RAB21: variants seen among roughly 807,000 people sequenced by gnomAD.
The protein encoded by RAB21 is RAB21, member RAS oncogene family.
RAB21 carries 13 observed loss-of-function variants against 33.1 expected under a neutral mutation model. The ratio of observed to expected loss-of-function variants is 0.39; its 90% CI spans 0.26 to 0.62. RAB21 has a LOEUF of 0.62. Among genes scored for constraint, RAB21 ranks in the 20% least tolerant of loss-of-function variants. The pLI is 0.48. For synonymous variants in RAB21, 91 were observed against 103.7 expected, an observed-to-expected ratio of 0.88 and a Z score of 0.74; for missense variants, 234 against 279.1, an observed-to-expected ratio of 0.84 and a Z score of 1.15.
rs1883313762 is a variant in RAB21, at chr12:71,787,566, T to G, written c.*1893T>G. 6.6e-6 allele frequency: 1 copy of G among 152,174 alleles called. No homozygotes were observed. Among genetic ancestry groups the G allele is most frequent in the Non-Finnish European group, 1.5e-5 (1 of 68,022 alleles). 9.4% of individuals were successfully genotyped at this position (152,174 alleles called of 1,614,324 possible). A position where few individuals can be genotyped will look rare whatever the true frequency, so the allele number is the denominator to read the frequency against. On this transcript the variant is annotated 3_prime_UTR_variant, in exon 7 of 7. Transcript: ENST00000261263. The stretch of plus-strand genomic sequence containing the variant: ...ACTGCCATATTTTTAAGTTAATAAC[T>G]TAAACCTTCTCAAATGGGTTAAAAG...
Position 71,799,705 on chromosome 12 carries a change from G to A in RAB21, c.*14032G>A, listed in dbSNP as rs1211431371. On this transcript the variant is annotated 3_prime_UTR_variant, in exon 7 of 7. Coordinates refer to ENST00000261263, the MANE Select transcript of RAB21 (RefSeq NM_014999.4). ...TATTAAGTTTTTAAAAAAAGCCAGG[G>A]CAGAACAGTCTGTATACTGTATATT... 2 of 152,098 alleles carry A rather than the reference G, an allele frequency of 1.3e-5. No individual in the cohort carries two copies. Among genetic ancestry groups the A allele is most frequent in the Non-Finnish European group, 2.9e-5 (2 of 68,016 alleles). The allele number at this position is 152,098 out of a possible 1,614,324, so 9.4% of individuals were successfully genotyped here. A position where few individuals can be genotyped will look rare whatever the true frequency, so the allele number is the denominator to read the frequency against.
At chr12:71,760,791 C>T (rs186430987) in intron 1 of RAB21, among the ~76,000 whole-genome samples, 3 of 151,848 alleles carry the variant, frequency 2.0e-5, no homozygotes, top group Non-Finnish European at 4.4e-5. Context: ...TTTAGAGTCC[C>T]AACTATAGAA....
At chr12:71,757,432 A>C (rs1287777555) in intron 1 of RAB21, among the ~76,000 whole-genome samples, 1 of 152,222 alleles carries the variant, frequency 6.6e-6, no homozygotes, top group Non-Finnish European at 1.5e-5. Context: ...CTTAAAAATT[A>C]CACTTCCATT....
chr12:71,766,546 G>T (rs1406225063), intron 1 of RAB21, among the ~76,000 whole-genome samples: 1 of 152,100 alleles, frequency 6.6e-6, no homozygotes, highest in Non-Finnish European at 1.5e-5. Context: ...TGTAAGTGCT[G>T]TAGAAACGTT....
intron 1 of RAB21, among the ~76,000 whole-genome samples, chr12:71,768,781 G>A (rs185705553): frequency 8.5e-5 from 13 of 152,238 alleles, no homozygotes; most frequent in Admixed American, 8.5e-4. Context: ...GTGCTATACA[G>A]AAGAAAATCA....
At chr12:71,772,989 C>G (rs1293793680) in intron 3 of RAB21, among the ~76,000 whole-genome samples, 1 of 152,142 alleles carries the variant, frequency 6.6e-6, no homozygotes, top group African/African-American at 2.4e-5. Flanking sequence ...GTGGTTACCA[C>G]ATAGCTAATG....
intron 4 of RAB21, among the ~76,000 whole-genome samples, chr12:71,781,244 C>T (rs879537002): frequency 4.6e-5 from 7 of 152,054 alleles, no homozygotes; most frequent in Non-Finnish European, 7.4e-5. Flanking sequence ...CCGAGGCAGG[C>T]GGATCACGAG....
chr12:71,788,623 G>A lies in RAB21; in HGVS notation c.*2950G>A, dbSNP rs1883331273. On this transcript the variant is annotated 3_prime_UTR_variant, in exon 7 of 7. Coordinates refer to ENST00000261263, the MANE Select transcript of RAB21 (RefSeq NM_014999.4). ...CTGATAATTGTGCTATTAGGCAGAA[G>A]ACACAAGTTACCACGTTGTGTATTA... 6.6e-6 allele frequency: 1 copy of A among 152,154 alleles called. No homozygotes were observed. Among genetic ancestry groups the A allele is most frequent in the Non-Finnish European group, 1.5e-5 (1 of 68,020 alleles). The allele number at this position is 152,154 out of a possible 1,614,324, so 9.4% of individuals were successfully genotyped here.
At position 71,770,477 on chromosome 12, in the gene RAB21, G is replaced by A. The variant is rs988924644; in HGVS notation, c.220-115G>A. 15 of 729,106 alleles carry A rather than the reference G, an allele frequency of 2.1e-5. No individual in the cohort carries two copies. In the East Asian group the frequency reaches 4.1e-4, roughly 20 times the overall value. The allele number at this position is 729,106 out of a possible 1,614,324, so 45.2% of individuals were successfully genotyped here. A position where few individuals can be genotyped will look rare whatever the true frequency, so the allele number is the denominator to read the frequency against. On this transcript the variant is annotated intron_variant, in intron 2 of 6. Transcript: ENST00000261263. ...GTTTTGTTTCTGTTAATAGGGTTTT[G>A]TGGTTGTCTTTGACTTTATGCCATA...
intron 2 of RAB21, 35 bp downstream of exon 2, chr12:71,769,894 C>CT: frequency 8.5e-7 from 1 of 1,174,228 alleles, no homozygotes; most frequent in South Asian, 2.6e-5. Context: ...TGCGTGGAGG[C>CT]TTCTTCCTTT....
chr12:71,772,764 T>C (rs568643207), intron 3 of RAB21, among the ~76,000 whole-genome samples: 3 of 152,316 alleles, frequency 2.0e-5, no homozygotes, highest in Admixed American at 6.5e-5. Context: ...GTTAAATGCT[T>C]TGAAAACTTT....
rs1409136852 is a variant in RAB21, at chr12:71,794,419, A to G, written c.*8746A>G. 3.9e-5 allele frequency: 2 copies of G among 51,168 alleles called. No homozygotes were observed. Among genetic ancestry groups the G allele is most frequent in the South Asian group, 1.6e-3 (2 of 1,282 alleles). 3.2% of individuals were successfully genotyped at this position (51,168 alleles called of 1,614,324 possible). A position where few individuals can be genotyped will look rare whatever the true frequency, so the allele number is the denominator to read the frequency against. Reference sequence around the variant, plus strand: ...CCATATATATATTATATATATATATATATATATATTTTTTTTTTTTTTTTT... The same window carrying G: ...CCATATATATATTATATATATATATGTATATATATTTTTTTTTTTTTTTTT... On this transcript the variant is annotated 3_prime_UTR_variant, in exon 7 of 7. Coordinates refer to ENST00000261263, the MANE Select transcript of RAB21 (RefSeq NM_014999.4).
chr12:71,761,601 C>T (rs1882872913), intron 1 of RAB21, among the ~76,000 whole-genome samples: 1 of 152,114 alleles, frequency 6.6e-6, no homozygotes, highest in African/African-American at 2.4e-5. Flanking sequence ...TCACTTGAAC[C>T]TGGGAGACAG....
chr12:71,755,643 C>T (rs996356450), intron 1 of RAB21, among the ~76,000 whole-genome samples: 4 of 152,222 alleles, frequency 2.6e-5, no homozygotes, highest in Non-Finnish European at 5.9e-5. Context: ...CCTTTTCTTT[C>T]TTTCAGAATT....
Position 71,793,391 on chromosome 12 carries a change from T to C in RAB21, c.*7718T>C, listed in dbSNP as rs1158535983. 1 of 152,166 alleles carries C rather than the reference T, an allele frequency of 6.6e-6. No individual in the cohort carries two copies. Among genetic ancestry groups the C allele is most frequent in the African/African-American group, 2.4e-5 (1 of 41,432 alleles). 9.4% of individuals were successfully genotyped at this position (152,166 alleles called of 1,614,324 possible). A position where few individuals can be genotyped will look rare whatever the true frequency, so the allele number is the denominator to read the frequency against. ...TGAAGATACAGGTCAGAAAGATGGT[T>C]TAATGAATATGAATTTTCTAAACAT... On this transcript the variant is annotated 3_prime_UTR_variant, in exon 7 of 7. Coordinates refer to ENST00000261263, the MANE Select transcript of RAB21 (RefSeq NM_014999.4).
Position 71,793,947 on chromosome 12 carries a change from G to A in RAB21, c.*8274G>A, listed in dbSNP as rs909162556. 6.6e-6 allele frequency: 1 copy of A among 152,308 alleles called. No individual in the cohort carries two copies. The allele number at this position is 152,308 out of a possible 1,614,324, so 9.4% of individuals were successfully genotyped here. ...GTGTTAAAAGCTGGCTGGGAGCCAT[G>A]GCTCATGCCTGTAATCCAGCACTTT... On this transcript the variant is annotated 3_prime_UTR_variant, in exon 7 of 7. Transcript: ENST00000261263.
At chr12:71,781,394 G>A (rs1039921769) in intron 4 of RAB21, among the ~76,000 whole-genome samples, 2 of 151,948 alleles carry the variant, frequency 1.3e-5, no homozygotes, top group African/African-American at 2.4e-5. Context: ...GCGTGAACCC[G>A]GGAGGCGGAG....
At chr12:71,767,700 A>G (rs1882982925) in intron 1 of RAB21, among the ~76,000 whole-genome samples, 1 of 152,178 alleles carries the variant, frequency 6.6e-6, no homozygotes, top group Non-Finnish European at 1.5e-5. Context: ...TTAAGAAGAT[A>G]TTTCCAAGTT....
intron 1 of RAB21, among the ~76,000 whole-genome samples, chr12:71,760,054 A>G (rs1882847855): frequency 6.6e-6 from 1 of 152,122 alleles, no homozygotes; most frequent in African/African-American, 2.4e-5. Context: ...ATGATGCGGG[A>G]TTTATGTTTT....
Sources: gnomAD v4.1 joint callset for allele counts (sites outside exome capture counted in the v4.1 genomes callset) on GRCh38, gnomAD v4.1.1 for gene constraint, MANE v1.5 for transcripts, NCBI Gene and HGNC (gene_info 2026-07-23, HGNC 2026-07-21) for gene names.